Variants in MED15 observed in about 807,000 individuals in gnomAD.
MED15 encodes mediator complex subunit 15, also known as mediator of RNA polymerase II transcription subunit 15.
In MED15, 41 loss-of-function variants were observed where a neutral mutation model predicts 118.7. The observed-to-expected ratio is 0.35, with a 90% CI of 0.27 to 0.45. The LOEUF is 0.45. Ranked by LOEUF, MED15 falls within the 20% of genes least tolerant of loss-of-function variation. The pLI, the probability that MED15 is intolerant of heterozygous loss-of-function variation, is 1.00. For synonymous variants in MED15, 436 were observed against 413.9 expected (o/e 1.05, Z -0.65); for missense variants, 740 against 1,025.5 (o/e 0.72, Z 3.80).
In MED15 at chr22:20,575,151, A is replaced by G; in HGVS notation, c.1191A>G (p.Ile397Met). The G allele has an allele frequency of 6.2e-7, 1 of 1,614,172 alleles. No individual in the cohort carries two copies. The highest frequency in any genetic ancestry group is 8.5e-7 in the Non-Finnish European group (1 of 1,180,024). Residue 397 changes from isoleucine to methionine, a missense_variant, in exon 9 of 18, where the codon ATA (isoleucine) becomes ATG (methionine). Coordinates refer to ENST00000263205, the MANE Select transcript of MED15 (RefSeq NM_001003891.3). ...CCTTGGCCCAAGGTGGGATGCACAT[A>G]AGAGCCCGGTTCCCGCCTACCACCG... ...TEALAQGGMH[I>M]RARFPPTTAV... is the part of the protein sequence containing the mutation.
chr22:20,582,672 C>T lies in MED15; in HGVS notation c.1334C>T (p.Pro445Leu), dbSNP rs771855629. 66 of 1,596,104 alleles carry T rather than the reference C, an allele frequency of 4.1e-5. No homozygotes were observed. Among genetic ancestry groups the T allele is most frequent in the Middle Eastern group, 3.3e-4 (2 of 6,038 alleles). Reference protein sequence around the residue: ...SPSPGQQVQTPQSMPPPPQPS... With the variant: ...SPSPGQQVQTLQSMPPPPQPS... ...TCACCGGGCCAGCAGGTGCAGACCCCGCAGTCGATGCCCCCTCCCCCCCAG... is the reference window on the plus strand; with the variant it reads ...TCACCGGGCCAGCAGGTGCAGACCCTGCAGTCGATGCCCCCTCCCCCCCAG... The change falls in exon 10 of 18, where the codon CCG becomes CTG. Residue 445 changes from proline (P) to leucine (L), a missense_variant. Physicochemically the swap from Pro to Leu is moderately conservative, Grantham distance 98 (BLOSUM62 -3). Coordinates refer to ENST00000263205, the MANE Select transcript of MED15 (RefSeq NM_001003891.3).
At chr22:20,583,490 C>T in intron 13 of MED15, 97 bp downstream of exon 13, 1 of 1,457,418 alleles carries the variant, frequency 6.9e-7, no homozygotes, top group Non-Finnish European at 9.5e-7. Context: ...ACAAAGGCAC[C>T]AGGCAGCTCT....
In MED15 at chr22:20,575,334, TA is replaced by T. The variant is rs1450277778; in HGVS notation, c.1272+103del. 4 of 1,434,142 alleles carry T rather than the reference TA, an allele frequency of 2.8e-6. No individual in the cohort carries two copies. The African/African-American group carries it at 4.3e-5, about 15-fold the overall frequency. The allele number at this position is 1,434,142 out of a possible 1,614,324, so 88.8% of individuals were successfully genotyped here. On this transcript the variant is annotated intron_variant, in intron 9 of 17. Transcript: ENST00000263205. Reference sequence around the variant, plus strand: ...CATTATCATCGCCGGTGACTTCTTTTATGGTGGCTTTCAGAGTGCCAAACCC... The same window carrying T: ...CATTATCATCGCCGGTGACTTCTTTTTGGTGGCTTTCAGAGTGCCAAACCC...
intron 1 of MED15, among the ~76,000 whole-genome samples, chr22:20,524,798 T>C (rs1225069594): frequency 1.3e-5 from 2 of 152,090 alleles, no homozygotes; most frequent in Non-Finnish European, 2.9e-5. Context: ...ACTTTTGTAA[T>C]TTTAGTAGAG....
intron 5 of MED15, among the ~76,000 whole-genome samples, chr22:20,557,877 C>G (rs923408290): frequency 6.6e-6 from 1 of 152,240 alleles, no homozygotes; most frequent in African/African-American, 2.4e-5. Context: ...GAGGCTGAGG[C>G]GGGCGGATCA....
chr22:20,579,409 C>T (rs2056912998), intron 9 of MED15, among the ~76,000 whole-genome samples: 1 of 152,140 alleles, frequency 6.6e-6, no homozygotes, highest in South Asian at 2.1e-4. Flanking sequence ...GCCTCCCATC[C>T]TCTGGGCTCT....
In MED15 at chr22:20,586,492, C is replaced by G. The variant is rs1032242837; in HGVS notation, c.2231-76C>G. On this transcript the variant is annotated intron_variant, in intron 17 of 17. Transcript: ENST00000263205. ...GGCCCGCGCCTGGGGCTACCCCTTC[C>G]CAGAGCACTGCCGGGTGTGCCAGGA... The G allele has an allele frequency of 4.5e-6, 7 of 1,571,854 alleles. No homozygotes were observed. In the African/African-American group the frequency reaches 9.4e-5, roughly 21 times the overall value.
At chr22:20,536,845 C>G (rs922530593) in intron 1 of MED15, among the ~76,000 whole-genome samples, 1 of 152,230 alleles carries the variant, frequency 6.6e-6, no homozygotes, top group Non-Finnish European at 1.5e-5. Context: ...CAACCCCTCC[C>G]CCGCCCCGTC....
chr22:20,556,425 C>A (rs914219594), intron 5 of MED15, among the ~76,000 whole-genome samples: 3 of 151,928 alleles, frequency 2.0e-5, no homozygotes, highest in Non-Finnish European at 4.4e-5. Flanking sequence ...CCTCAGCCTC[C>A]GACTACCTGG....
chr22:20,526,303 C>T (rs139932337), intron 1 of MED15, among the ~76,000 whole-genome samples: 3 of 152,306 alleles, frequency 2.0e-5, no homozygotes, highest in African/African-American at 7.2e-5. Flanking sequence ...TAGCAACTGC[C>T]TTTACATCTG....
At chr22:20,546,928 G>A (rs560315944) in intron 2 of MED15, among the ~76,000 whole-genome samples, 25 of 152,026 alleles carry the variant, frequency 1.6e-4, no homozygotes, top group African/African-American at 5.6e-4. Context: ...CATTGCTTTG[G>A]GCCTTTCAGT....
intron 1 of MED15, among the ~76,000 whole-genome samples, chr22:20,521,317 G>A (rs1337940886): frequency 1.3e-5 from 2 of 151,126 alleles, no homozygotes; most frequent in South Asian, 2.1e-4. Flanking sequence ...GGCTGGTCTC[G>A]AACTCCTGAC....
At position 20,564,616 on chromosome 22, in the gene MED15, G is replaced by C. The variant is rs769218375; in HGVS notation, c.618G>C (p.Gln206His). 6.2e-6 allele frequency: 10 copies of C among 1,610,790 alleles called. No homozygotes were observed. The highest frequency in any genetic ancestry group is 7.6e-6 in the Non-Finnish European group (9 of 1,178,430). The change falls in exon 6 of 18, where the codon CAG (glutamine) becomes CAC (histidine). Residue 206 changes from glutamine to histidine, a missense_variant. Gln to His is a conservative substitution (Grantham distance 24). Around this residue, in one of 7 missense-constraint regions of MED15, gnomAD observed 384 missense variants for 506.3 expected, o/e 0.76. Coordinates refer to ENST00000263205, the MANE Select transcript of MED15 (RefSeq NM_001003891.3). ...AGCAGTTCCAAGCAGTAGTGCAGCA[G>C]CAGCAGCAGCTCCAGCAGCAGCAGC... ...MQQQFQAVVQ[Q>H]QQQLQQQQQQ...
chr22:20,535,060 C>A (rs1426730579), intron 1 of MED15, among the ~76,000 whole-genome samples: 1 of 152,102 alleles, frequency 6.6e-6, no homozygotes. Context: ...AGGGTTCAAG[C>A]GATTCTCCTG....
chr22:20,520,697 A>G (rs1182545951), intron 1 of MED15, among the ~76,000 whole-genome samples: 4 of 152,154 alleles, frequency 2.6e-5, no homozygotes, highest in Admixed American at 2.6e-4. Flanking sequence ...TCTGACTTCC[A>G]TGGCCAGCCG....
intron 2 of MED15, chr22:20,550,958 AGC>A (rs2055746279): frequency 2.8e-6 from 1 of 355,532 alleles, no homozygotes; most frequent in African/African-American, 2.1e-5. Context: ...CCAGATTTTC[AGC>A]AGATACTGCG....
chr22:20,515,192 C>T (rs549482180), intron 1 of MED15, among the ~76,000 whole-genome samples: 1 of 152,270 alleles, frequency 6.6e-6, no homozygotes, highest in Admixed American at 6.5e-5. Context: ...AGCTGACGTG[C>T]GGCAGGCATG....
intron 2 of MED15, among the ~76,000 whole-genome samples, chr22:20,542,202 G>C (rs771063172): frequency 1.4e-4 from 21 of 152,198 alleles, no homozygotes; most frequent in Non-Finnish European, 2.6e-4. Flanking sequence ...ATACGACCCA[G>C]AAGTTTCACT....
At position 20,507,749 on chromosome 22, in the gene MED15, G is replaced by T; in HGVS notation, c.68+3G>T. 6.2e-7 allele frequency: 1 copy of T among 1,614,036 alleles called. No individual in the cohort carries two copies. The highest frequency in any genetic ancestry group is 8.5e-7 in the Non-Finnish European group (1 of 1,179,916). On this transcript the variant is annotated splice_donor_region_variant and intron_variant, in intron 1 of 17. Transcript: ENST00000263205. ...CGGCAGAAGCTGGTCAGTCAAATGT[G>T]AGTAGTGGTCGGGGCAGGGGGCTGG...
Sources: allele counts gnomAD v4.1 joint callset (sites outside exome capture counted in the v4.1 genomes callset), GRCh38; gene constraint gnomAD v4.1.1; regional missense constraint gnomAD v4.1.1; transcripts MANE v1.5; gene names NCBI Gene and HGNC (gene_info 2026-07-23, HGNC 2026-07-21).